Variants in GALK2 observed in about 807,000 individuals in gnomAD.
GALK2 encodes N-acetylgalactosamine kinase.
Under a neutral mutation model 52.4 loss-of-function variants are expected in GALK2, and 36 were observed. The observed-to-expected ratio is 0.69, with a 90% CI of 0.53 to 0.91. The LOEUF (loss-of-function observed/expected upper bound fraction) is 0.91. Among genes scored for constraint, GALK2 ranks in the 40% least tolerant of loss-of-function variants. The pLI, the probability that GALK2 is intolerant of heterozygous loss-of-function variation, is 0.00. For missense variants in GALK2, 579 were observed against 559.1 expected (o/e 1.04, Z -0.36); for synonymous variants, 176 against 199.1 (o/e 0.88, Z 0.98).
At chr15:49,159,848 A>G (rs1476854403) in intron 1 of GALK2, among the ~76,000 whole-genome samples, 1 of 152,176 alleles carries the variant, frequency 6.6e-6, no homozygotes, top group Non-Finnish European at 1.5e-5. Flanking sequence ...CTTTGATTGT[A>G]TGTATGTGTG....
chr15:49,300,630 G>T (rs752596569), intron 8 of GALK2, among the ~76,000 whole-genome samples: 2 of 151,940 alleles, frequency 1.3e-5, no homozygotes, highest in Non-Finnish European at 2.9e-5. Flanking sequence ...ATTGAATCAC[G>T]GTGCCAGTTA....
At chr15:49,239,394 T>C (rs765514441) in intron 5 of GALK2, 27 bp downstream of exon 5, 2 of 1,603,676 alleles carry the variant, frequency 1.2e-6, no homozygotes, top group African/African-American at 1.3e-5. Flanking sequence ...GGAAACCTCA[T>C]AGAACCCTCT....
chr15:49,192,537 A>G (rs1379372366), intron 1 of GALK2, among the ~76,000 whole-genome samples: 2 of 135,046 alleles, frequency 1.5e-5, no homozygotes, highest in Non-Finnish European at 3.1e-5. Flanking sequence ...TTGGAGGTGT[A>G]TCTTCAGGGC....
chr15:49,175,057 A>G (rs2141189753), intron 1 of GALK2, among the ~76,000 whole-genome samples: 1 of 152,312 alleles, frequency 6.6e-6, no homozygotes, highest in South Asian at 2.1e-4. Context: ...GGTTTTGGGG[A>G]AAAGCTATAC....
At chr15:49,240,264 G>A (rs1178126434) in intron 5 of GALK2, among the ~76,000 whole-genome samples, 1 of 152,158 alleles carries the variant, frequency 6.6e-6, no homozygotes, top group East Asian at 1.9e-4. Context: ...TTTGAGAAGA[G>A]AAGAAGCAAG....
intron 3 of GALK2, chr15:49,353,961 G>C (rs149059564): frequency 6.6e-6 from 1 of 152,200 alleles, no homozygotes; most frequent in South Asian, 2.1e-4. Flanking sequence ...GGAAAAATGT[G>C]TGTTCATGTG....
chr15:49,256,646 C>T (rs1006814327), intron 5 of GALK2, among the ~76,000 whole-genome samples: 1 of 152,116 alleles, frequency 6.6e-6, no homozygotes, highest in Non-Finnish European at 1.5e-5. Context: ...AAGCTTTAGC[C>T]AGATGTAATT....
At chr15:49,289,461 A>G (rs1304039169) in intron 7 of GALK2, among the ~76,000 whole-genome samples, 1 of 152,224 alleles carries the variant, frequency 6.6e-6, no homozygotes, top group Non-Finnish European at 1.5e-5. Context: ...CCCTCTTACC[A>G]GAAGACCCAG....
chr15:49,306,712 C>T (rs2035576448), intron 8 of GALK2, among the ~76,000 whole-genome samples: 1 of 152,182 alleles, frequency 6.6e-6, no homozygotes, highest in African/African-American at 2.4e-5. Context: ...ACCACGATTC[C>T]TTCTTAACTC....
intron 2 of GALK2, among the ~76,000 whole-genome samples, chr15:49,211,840 G>C (rs912455637): frequency 1.8e-4 from 27 of 152,226 alleles, no homozygotes; most frequent in African/African-American, 6.5e-4. Context: ...CCACCTCCAT[G>C]ATTCAATCAA....
intron 3 of GALK2, among the ~76,000 whole-genome samples, chr15:49,346,055 T>A (rs1018266153): frequency 2.0e-5 from 3 of 151,266 alleles, no homozygotes; most frequent in Non-Finnish European, 3.0e-5. Context: ...TTTGTTATTT[T>A]TTTTTTTTTT....
intron 5 of GALK2, among the ~76,000 whole-genome samples, chr15:49,278,569 G>C (rs1480910450): frequency 6.6e-6 from 1 of 152,142 alleles, no homozygotes; most frequent in Non-Finnish European, 1.5e-5. Flanking sequence ...TTAAACTTTA[G>C]TTTCTTGGAT....
rs376682092 is a variant in GALK2, at chr15:49,341,997, G to GTGGTTGC, written c.426+22193_426+22194insGGTTGCT. The stretch of plus-strand genomic sequence containing the variant: ...TGTTCTGTGTGCAGATGATAGCAAT[G>GTGGTTGC]TATTTTCTGTGGTTGATGGGTGAAG... On this transcript the variant is annotated intron_variant, in intron 3 of 3. Transcript: ENST00000558399. 1.1e-3 allele frequency among the ~76,000 whole-genome samples: 172 copies of GTGGTTGC among 152,260 alleles called. 1 individual carries two copies. In the East Asian group the frequency reaches 0.028, roughly 24 times the overall value.
At chr15:49,177,934 T>C (rs924441886) in intron 1 of GALK2, 7 of 161,502 alleles carry the variant, frequency 4.3e-5, no homozygotes, top group Admixed American at 6.4e-5. Context: ...GTTGGGTGGA[T>C]CACTTGAGGC....
chr15:49,292,669 G>A, intron 8 of GALK2, 132 bp downstream of exon 8: 1 of 695,542 alleles, frequency 1.4e-6, no homozygotes, highest in Non-Finnish European at 2.4e-6. Context: ...TAATTATTTA[G>A]AATCTTAGCT....
intron 1 of GALK2, among the ~76,000 whole-genome samples, chr15:49,191,618 G>T (rs571350908): frequency 6.6e-6 from 1 of 152,152 alleles, no homozygotes; most frequent in East Asian, 1.9e-4. Flanking sequence ...AAAGGCACAT[G>T]ATGTATATGT....
intron 5 of GALK2, among the ~76,000 whole-genome samples, chr15:49,252,394 G>T (rs1380111421): frequency 1.3e-5 from 2 of 151,968 alleles, no homozygotes; most frequent in Non-Finnish European, 2.9e-5. Context: ...CTCTTTAATG[G>T]CTGCCTTGTT....
intron 7 of GALK2, among the ~76,000 whole-genome samples, chr15:49,285,997 G>A (rs2033310074): frequency 6.6e-6 from 1 of 152,106 alleles, no homozygotes; most frequent in Non-Finnish European, 1.5e-5. Context: ...TCTCATCTCA[G>A]AGACTTTGCA....
At position 49,201,144 on chromosome 15, in the gene GALK2, T is replaced by A. The variant is rs745669610; in HGVS notation, c.54-18T>A. The A allele has an allele frequency of 7.1e-7, 1 of 1,407,492 alleles. No individual in the cohort carries two copies. The highest frequency in any genetic ancestry group is 1.0e-6 in the Non-Finnish European group (1 of 994,396). 87.2% of individuals were successfully genotyped at this position (1,407,492 alleles called of 1,614,324 possible). A position where few individuals can be genotyped will look rare whatever the true frequency, so the allele number is the denominator to read the frequency against. Reference sequence around the variant, plus strand: ...TTCTGTTATATGATATTCTGAAATATTGTACTTTTATTTTCAGGTTACTGA... The same window carrying A: ...TTCTGTTATATGATATTCTGAAATAATGTACTTTTATTTTCAGGTTACTGA... On this transcript the variant is annotated intron_variant, in intron 1 of 9. Coordinates refer to ENST00000560031, the MANE Select transcript of GALK2 (RefSeq NM_002044.4).
Sources: allele counts gnomAD v4.1 joint callset (sites outside exome capture counted in the v4.1 genomes callset), GRCh38; gene constraint gnomAD v4.1.1; transcripts MANE v1.5; gene names NCBI Gene and HGNC (gene_info 2026-07-23, HGNC 2026-07-21).